The following FBLN2 variants were observed in gnomAD, a reference collection of about 807,000 sequenced individuals.
The protein encoded by FBLN2 is fibulin 2, also known as fibulin-2.
A neutral mutation model predicts 123.7 loss-of-function variants in FBLN2; 81 were observed. That is an observed-to-expected ratio of 0.65 (90% CI 0.55 to 0.79). The LOEUF (loss-of-function observed/expected upper bound fraction) is 0.79. FBLN2 is among the 30% of genes least tolerant of loss of function. FBLN2 has a pLI of 0.00. For missense variants in FBLN2, 1,603 were observed against 1,681.3 expected (o/e 0.95, Z 0.81); for synonymous variants, 699 against 701.4 (o/e 1.00, Z 0.05).
chr3:13,624,128 C>T (rs1489886048), intron 9 of FBLN2, among the ~76,000 whole-genome samples: 1 of 152,226 alleles, frequency 6.6e-6, no homozygotes, highest in East Asian at 1.9e-4. Flanking sequence ...AGTGGTGCTG[C>T]AGCAGTGCTT....
At chr3:13,552,312 A>C (rs1445219680) in intron 1 of FBLN2, among the ~76,000 whole-genome samples, 1 of 152,010 alleles carries the variant, frequency 6.6e-6, no homozygotes, top group African/African-American at 2.4e-5. Flanking sequence ...TCAGATTTGG[A>C]CTGACTTTGC....
intron 10 of FBLN2, among the ~76,000 whole-genome samples, 163 bp from the exon 11 acceptor site, chr3:13,627,669 G>A (rs568080595): frequency 6.6e-6 from 1 of 152,344 alleles, no homozygotes; most frequent in Admixed American, 6.5e-5. Context: ...TTACTCCTGG[G>A]ACAAAGGCCA....
intron 2 of FBLN2, among the ~76,000 whole-genome samples, chr3:13,606,278 T>C (rs895859627): frequency 2.0e-5 from 3 of 152,270 alleles, no homozygotes; most frequent in Non-Finnish European, 4.4e-5. Flanking sequence ...TGGCAATTCC[T>C]TGTCAGTTTT....
At chr3:13,611,120 T>G (rs1386822751) in intron 4 of FBLN2, among the ~76,000 whole-genome samples, 1 of 152,034 alleles carries the variant, frequency 6.6e-6, no homozygotes, top group African/African-American at 2.4e-5. Context: ...CTTGGTTTTG[T>G]ATTTTTACTA....
intron 10 of FBLN2, 75 bp downstream of exon 10, chr3:13,626,654 C>T (rs1308419837): frequency 1.4e-6 from 2 of 1,442,508 alleles, no homozygotes; most frequent in East Asian, 2.5e-5. Context: ...CCTGGTCCCA[C>T]CCCTGTCCTG....
chr3:13,621,816 C>A lies in FBLN2; in HGVS notation c.2197C>A (p.Arg733=). 6.2e-7 allele frequency: 1 copy of A among 1,614,014 alleles called. No homozygotes were observed. The highest frequency in any genetic ancestry group is 8.5e-7 in the Non-Finnish European group (1 of 1,179,872). The change falls in exon 9 of 18, where the codon CGA becomes AGA. Residue 733 remains arginine, a synonymous_variant. Transcript: ENST00000404922. ...CLMGAHDCSR[R]QFCVNTLGSF... The stretch of plus-strand genomic sequence containing the variant: ...GATGGGTGCTCACGATTGTAGCCGG[C>A]GACAGTTCTGTGTGAACACCCTGGG...
intron 8 of FBLN2, among the ~76,000 whole-genome samples, chr3:13,621,566 T>C (rs935869060): frequency 6.6e-6 from 1 of 152,156 alleles, no homozygotes; most frequent in African/African-American, 2.4e-5. Context: ...TCTCTGAGTC[T>C]CACCTCACCA....
intron 1 of FBLN2, among the ~76,000 whole-genome samples, chr3:13,569,749 G>C (rs930754985): frequency 6.6e-6 from 1 of 152,000 alleles, no homozygotes; most frequent in Admixed American, 6.5e-5. Flanking sequence ...CCCACTGACT[G>C]TATTTTCTGG....
chr3:13,580,333 C>T (rs1322458484), intron 2 of FBLN2, among the ~76,000 whole-genome samples: 4 of 152,164 alleles, frequency 2.6e-5, no homozygotes, highest in Admixed American at 2.6e-4. Context: ...CTGGATTTTA[C>T]TTACACCTGC....
rs530976960 is a variant in FBLN2, at chr3:13,556,942, G to A, written c.-42+7734G>A. 3.3e-5 allele frequency among the ~76,000 whole-genome samples: 5 copies of A among 152,334 alleles called. No homozygotes were observed. In the East Asian group the frequency reaches 7.7e-4, roughly 23 times the overall value. On this transcript the variant is annotated intron_variant, in intron 1 of 17. Coordinates refer to ENST00000404922, the MANE Select transcript of FBLN2 (RefSeq NM_001004019.2). ...GTTGCAGCCACCAGGACTCCCTCAC[G>A]CCCCATCTTTCTTTTGTCTCTGCCT...
chr3:13,635,948 G>C lies in FBLN2; in HGVS notation c.3215-497G>C, dbSNP rs538953509. The stretch of plus-strand genomic sequence containing the variant: ...AGGGTGATGGGGCAGGAGGACCACT[G>C]TAGAGTGGTCAGGGAGGCCATCCTG... On this transcript the variant is annotated intron_variant, in intron 16 of 17. Coordinates refer to ENST00000404922, the MANE Select transcript of FBLN2 (RefSeq NM_001004019.2). 5.3e-5 allele frequency among the ~76,000 whole-genome samples: 8 copies of C among 152,322 alleles called. No individual in the cohort carries two copies. In the East Asian group the frequency reaches 1.4e-3, roughly 26 times the overall value.
Position 13,571,459 on chromosome 3 carries a change from C to T in FBLN2, c.1104C>T (p.Val368=). The part of the protein sequence containing the change: ...HAPSLGKAAL[V]PTQAVPGSPR... The stretch of plus-strand genomic sequence containing the variant: ...CGAGCCTGGGCAAGGCTGCTCTCGT[C>T]CCAACTCAGGCCGTGCCTGGCTCTC... Residue 368 remains valine, a synonymous_variant, in exon 2 of 18, where the codon GTC becomes GTT. Coordinates refer to ENST00000404922, the MANE Select transcript of FBLN2 (RefSeq NM_001004019.2). The T allele has an allele frequency of 6.2e-7, 1 of 1,613,244 alleles. No homozygotes were observed.
At chr3:13,586,785 G>A (rs531304183) in intron 2 of FBLN2, among the ~76,000 whole-genome samples, 92 of 150,252 alleles carry the variant, frequency 6.1e-4, no homozygotes, top group Middle Eastern at 3.4e-3. Context: ...CTGGGATTAT[G>A]GGATGGAGCC....
At position 13,629,159 on chromosome 3, in the gene FBLN2, C is replaced by G. The variant is rs140438327; in HGVS notation, c.2714-5C>G. The G allele has an allele frequency of 2.1e-5, 34 of 1,613,034 alleles. No individual in the cohort carries two copies. The highest frequency in any genetic ancestry group is 2.8e-5 in the Non-Finnish European group (33 of 1,179,586). ...GCCTCAAGGTACCCTGCTCACCCCC[C>G]ACAGACGTGAATGAGTGTGAGACAG... On this transcript the variant is annotated splice_region_variant and splice_polypyrimidine_tract_variant and intron_variant, in intron 12 of 17. Transcript: ENST00000404922.
chr3:13,561,319 C>G (rs922496968), intron 1 of FBLN2, among the ~76,000 whole-genome samples: 26 of 152,200 alleles, frequency 1.7e-4, no homozygotes, highest in Non-Finnish European at 7.3e-5. Context: ...GGGACAACAT[C>G]CACTAAATGT....
chr3:13,629,971 T>C, intron 14 of FBLN2, 26 bp downstream of exon 14: 1 of 1,608,320 alleles, frequency 6.2e-7, no homozygotes, highest in Non-Finnish European at 8.5e-7. Context: ...TCTCTGACCC[T>C]ATGCCGCCTG....
intron 11 of FBLN2, 53 bp from the exon 12 acceptor site, chr3:13,628,852 G>C (rs1706141029): frequency 1.3e-6 from 2 of 1,591,082 alleles, no homozygotes; most frequent in Non-Finnish European, 1.7e-6. Context: ...GAGGGGCTGG[G>C]GCCTGGGAGG....
intron 2 of FBLN2, among the ~76,000 whole-genome samples, chr3:13,584,589 G>A (rs750356775): frequency 3.3e-5 from 5 of 152,230 alleles, no homozygotes; most frequent in Admixed American, 6.5e-5. Flanking sequence ...GGGAGTAGCC[G>A]TGGCCATAGG....
chr3:13,638,379 A>G lies in FBLN2; in HGVS notation c.*460A>G. On this transcript the variant is annotated 3_prime_UTR_variant, in exon 18 of 18. Coordinates refer to ENST00000404922, the MANE Select transcript of FBLN2 (RefSeq NM_001004019.2). ...ATAAAAAAAAGTTCAACTAGTATGA[A>G]AGGGTTATAAAGTAACAGAGGAAAA... The G allele has an allele frequency of 2.8e-6, 1 of 354,306 alleles. No individual in the cohort carries two copies. Among genetic ancestry groups the G allele is most frequent in the Non-Finnish European group, 5.2e-6 (1 of 191,056 alleles). The allele number at this position is 354,306 out of a possible 1,614,324, so 21.9% of individuals were successfully genotyped here.
Sources: allele counts gnomAD v4.1 joint callset (sites outside exome capture counted in the v4.1 genomes callset), GRCh38; gene constraint gnomAD v4.1.1; transcripts MANE v1.5; gene names NCBI Gene and HGNC (gene_info 2026-07-23, HGNC 2026-07-21).